The following CSGALNACT1 variants were observed in gnomAD, a reference collection of about 807,000 sequenced individuals.
CSGALNACT1 encodes chondroitin sulfate N-acetylgalactosaminyltransferase 1.
In CSGALNACT1, 52 loss-of-function variants were observed where a neutral mutation model predicts 51.0. That is an observed-to-expected ratio of 1.02 (90% CI 0.82 to 1.29). The LOEUF (loss-of-function observed/expected upper bound fraction) is 1.29, where lower values mean the gene tolerates loss of function less well. CSGALNACT1 is among the 50% of genes most tolerant of loss of function. The pLI is 0.00. For synonymous variants in CSGALNACT1, 341 were observed against 254.4 expected, an observed-to-expected ratio of 1.34 and a Z score of -3.24; for missense variants, 935 against 679.2, an observed-to-expected ratio of 1.38 and a Z score of -4.19.
chr8:19,511,486 CAG>C (rs1317643660), intron 3 of CSGALNACT1, among the ~76,000 whole-genome samples: 4 of 152,220 alleles, frequency 2.6e-5, no homozygotes, highest in African/African-American at 9.6e-5. Context: ...GATTCTTATT[CAG>C]AGTTTTCAAA....
chr8:19,727,451 G>C (rs1348066613), intron 1 of CSGALNACT1, among the ~76,000 whole-genome samples: 2 of 152,222 alleles, frequency 1.3e-5, no homozygotes, highest in South Asian at 4.2e-4. Context: ...CCAGGCTCAA[G>C]TCATCCTTCC....
Position 19,711,313 on chromosome 8 carries a change from C to T in CSGALNACT1, c.-297+46537G>A, listed in dbSNP as rs2062490158. Among the ~76,000 whole-genome samples the T allele has an allele frequency of 2.0e-5, 3 of 152,046 alleles. No individual in the cohort carries two copies. The South Asian group carries it at 6.2e-4, about 31-fold the overall frequency. ...TAATCAATTTTAAAGCAGTGGAAAA[C>T]ATTTCCCTCCTGCAGGAGGGTGGGG... On this transcript the variant is annotated intron_variant, in intron 1 of 1. Transcript: ENST00000517494.
At chr8:19,571,930 T>C (rs1160140036) in intron 3 of CSGALNACT1, among the ~76,000 whole-genome samples, 3 of 152,246 alleles carry the variant, frequency 2.0e-5, no homozygotes, top group Non-Finnish European at 4.4e-5. Flanking sequence ...TTTCCAATTA[T>C]TTGGATTAAA....
At chr8:19,449,955 T>C (rs1470909976) in intron 5 of CSGALNACT1, among the ~76,000 whole-genome samples, 2 of 148,732 alleles carry the variant, frequency 1.3e-5, no homozygotes, top group Non-Finnish European at 3.0e-5. Context: ...AAACAGACAA[T>C]GAAGTAACCG....
At chr8:19,676,027 C>T (rs1464614897) in intron 1 of CSGALNACT1, among the ~76,000 whole-genome samples, 3 of 144,048 alleles carry the variant, frequency 2.1e-5, no homozygotes, top group African/African-American at 5.1e-5. Flanking sequence ...CAATAGAGAT[C>T]GAGACAGAAC....
chr8:19,602,791 T>A (rs191010263), upstream of CSGALNACT1: 2 of 152,094 alleles, frequency 1.3e-5, no homozygotes, highest in Admixed American at 6.6e-5. Flanking sequence ...TACTCTGGAA[T>A]GAAGGGCAAG....
intron 4 of CSGALNACT1, among the ~76,000 whole-genome samples, chr8:19,469,038 T>C (rs1171303929): frequency 1.3e-5 from 2 of 151,804 alleles, no homozygotes; most frequent in Admixed American, 6.6e-5. Flanking sequence ...AACAGATAAG[T>C]GAGGGCCTGC....
At chr8:19,404,868 C>T in exon 10 of CSGALNACT1, 1 of 454,464 alleles carries the variant, frequency 2.2e-6, no homozygotes, top group East Asian at 6.9e-5. Flanking sequence ...TCAGTTGCTC[C>T]TCTTCGAAAA....
chr8:19,680,557 T>TCC (rs2060521860), intron 1 of CSGALNACT1, among the ~76,000 whole-genome samples: 7 of 13,786 alleles, frequency 5.1e-4, no homozygotes, highest in Non-Finnish European at 1.2e-3. Context: ...ATCTGCACCC[T>TCC]CGCCCCACCC....
At chr8:19,404,862 T>C (rs1331119539) in exon 10 of CSGALNACT1, 3 of 454,548 alleles carry the variant, frequency 6.6e-6, no homozygotes, top group South Asian at 4.7e-5. Context: ...CAGTGTTCAG[T>C]TGCTCCTCTT....
At chr8:19,679,172 C>G (rs967473327) in intron 1 of CSGALNACT1, among the ~76,000 whole-genome samples, 7 of 152,114 alleles carry the variant, frequency 4.6e-5, no homozygotes, top group African/African-American at 1.7e-4. Context: ...GAAACTTCCT[C>G]TTGGGTGCAG....
Position 19,513,095 on chromosome 8 carries a change from T to C in CSGALNACT1, c.-296-6965A>G, listed in dbSNP as rs552603000. 2.6e-5 allele frequency among the ~76,000 whole-genome samples: 4 copies of C among 152,186 alleles called. No individual in the cohort carries two copies. The South Asian group carries it at 8.3e-4, about 32-fold the overall frequency. On this transcript the variant is annotated intron_variant, in intron 3 of 9. Transcript: ENST00000454498. ...ATCTTCTGCCATTGACTCATCACCATGTCAACATGCTTCCTGTTCCAAAAG... is the reference window on the plus strand; with the variant it reads ...ATCTTCTGCCATTGACTCATCACCACGTCAACATGCTTCCTGTTCCAAAAG...
At chr8:19,756,603 C>T (rs1422862358) in intron 1 of CSGALNACT1, among the ~76,000 whole-genome samples, 2 of 151,802 alleles carry the variant, frequency 1.3e-5, no homozygotes, top group Non-Finnish European at 2.9e-5. Context: ...ATCATGCCCT[C>T]GAACAGCTTC....
At chr8:19,625,848 C>T (rs2054383831) in intron 1 of CSGALNACT1, among the ~76,000 whole-genome samples, 1 of 152,168 alleles carries the variant, frequency 6.6e-6, no homozygotes, top group South Asian at 2.1e-4. Context: ...TTGGGCAAGT[C>T]ACCTAACTTC....
intron 1 of CSGALNACT1, among the ~76,000 whole-genome samples, chr8:19,726,039 A>T (rs12549679): frequency 4.6e-5 from 7 of 152,092 alleles, no homozygotes; most frequent in Non-Finnish European, 7.4e-5. Context: ...TGTGTTCTGA[A>T]GGCTTAAATT....
chr8:19,524,428 TA>T (rs2081285707), intron 3 of CSGALNACT1, among the ~76,000 whole-genome samples: 2 of 152,302 alleles, frequency 1.3e-5, no homozygotes, highest in Admixed American at 1.3e-4. Flanking sequence ...CAACCATGCC[TA>T]ATTTTTTTTT....
intron 5 of CSGALNACT1, among the ~76,000 whole-genome samples, chr8:19,441,519 T>A (rs2061331888): frequency 6.6e-6 from 1 of 152,076 alleles, no homozygotes; most frequent in Non-Finnish European, 1.5e-5. Context: ...TAGCCATATG[T>A]AGAAAGCTGA....
At position 19,682,398 on chromosome 8, in the gene CSGALNACT1, G is replaced by A. The variant is rs77015502; in HGVS notation, c.-544+75C>T. The A allele has an allele frequency of 2.5e-4, 83 of 329,886 alleles. No individual in the cohort carries two copies. In the East Asian group the frequency reaches 5.9e-3, roughly 23 times the overall value. The allele number at this position is 329,886 out of a possible 1,614,324, so 20.4% of individuals were successfully genotyped here. A position where few individuals can be genotyped will look rare whatever the true frequency, so the allele number is the denominator to read the frequency against. ...GCTCTTCTTAATTAGAAACAAAACA[G>A]CTCCCAGCACTCCCCAAACAGAAAG... On this transcript the variant is annotated intron_variant, in intron 1 of 9. Coordinates refer to the CSGALNACT1 transcript ENST00000332246.
intron 3 of CSGALNACT1, among the ~76,000 whole-genome samples, chr8:19,589,249 T>TA (rs1359475109): frequency 1.3e-5 from 2 of 152,178 alleles, no homozygotes; most frequent in African/African-American, 4.8e-5. Flanking sequence ...TCAGACTAGG[T>TA]AAAGCAGGCA....
Sources: gnomAD v4.1 joint callset for allele counts (sites outside exome capture counted in the v4.1 genomes callset) on GRCh38, gnomAD v4.1.1 for gene constraint, MANE v1.5 for transcripts, NCBI Gene and HGNC (gene_info 2026-07-23, HGNC 2026-07-21) for gene names.